The following ZNF730 variants were observed in gnomAD, a reference collection of about 807,000 sequenced individuals.
ZNF730 encodes zinc finger protein 730.
In ZNF730, 12 loss-of-function variants were observed where a neutral mutation model predicts 12.6. The ratio of observed to expected loss-of-function variants is 0.95; its 90% CI spans 0.61 to 1.54. The LOEUF (loss-of-function observed/expected upper bound fraction) is 1.54. Ranked by LOEUF, ZNF730 falls within the 40% of genes most tolerant of loss-of-function variation. The pLI, the probability that ZNF730 is intolerant of heterozygous loss-of-function variation, is 0.00. For missense variants in ZNF730, 643 were observed against 583.5 expected (o/e 1.10, Z -1.05); for synonymous variants, 194 against 195.8 (o/e 0.99, Z 0.08).
intron 3 of ZNF730, among the ~76,000 whole-genome samples, chr19:23,144,697 T>C (rs1361319313): frequency 2.4e-3 from 16 of 6,770 alleles, no homozygotes; most frequent in Admixed American, 7.8e-3. Flanking sequence ...AAGACTCTTG[T>C]CTCAAAAAAA....
At chr19:23,132,425 C>T (rs1452414625) in intron 1 of ZNF730, among the ~76,000 whole-genome samples, 2 of 151,922 alleles carry the variant, frequency 1.3e-5, no homozygotes, top group East Asian at 3.9e-4. Flanking sequence ...TGTGCTTTTC[C>T]TCTTAAATGA....
rs750466037 is a variant in ZNF730 at position 23,134,209 on chromosome 19, G to A, written c.130+3G>A. 4.4e-6 allele frequency: 7 copies of A among 1,600,872 alleles called. No individual in the cohort carries two copies. The highest frequency in any genetic ancestry group is 6.0e-6 in the Non-Finnish European group (7 of 1,174,474). ...CTACAGAAACCTGGTCTTCCTGGGT[G>A]AGGATAACTTTAATATACAATTCCT... On this transcript the variant is annotated splice_donor_region_variant and intron_variant, in intron 2 of 3. Coordinates refer to ENST00000597761, the MANE Select transcript of ZNF730 (RefSeq NM_001277403.2).
intron 1 of ZNF730, among the ~76,000 whole-genome samples, chr19:23,091,210 A>G (rs1278161290): frequency 6.6e-6 from 1 of 152,200 alleles, no homozygotes; most frequent in Non-Finnish European, 1.5e-5. Context: ...GTGGGTGCAC[A>G]GAAGTCAAGA....
chr19:23,081,850 G>C (rs561449836), intron 1 of ZNF730, among the ~76,000 whole-genome samples: 1 of 152,106 alleles, frequency 6.6e-6, no homozygotes, highest in African/African-American at 2.4e-5. Context: ...CCCCAAACTC[G>C]CAGACTATCT....
chr19:23,095,079 C>T, intron 1 of ZNF730: 1 of 308,278 alleles, frequency 3.2e-6, no homozygotes, highest in Non-Finnish European at 5.9e-6. Flanking sequence ...TTACCCAGCA[C>T]CAGAGGGATT....
intron 1 of ZNF730, among the ~76,000 whole-genome samples, chr19:23,110,191 G>A (rs1599583821): frequency 8.7e-6 from 1 of 114,334 alleles, no homozygotes; most frequent in African/African-American, 3.4e-5. Flanking sequence ...GGATGGTCTC[G>A]AACTTCTGAC....
At chr19:23,120,694 G>A (rs1049882524) in intron 1 of ZNF730, among the ~76,000 whole-genome samples, 2 of 151,990 alleles carry the variant, frequency 1.3e-5, no homozygotes, top group African/African-American at 4.8e-5. Flanking sequence ...GACTTTTCAT[G>A]TCTAAATCTC....
chr19:23,120,296 G>A (rs1004343283), intron 1 of ZNF730, among the ~76,000 whole-genome samples: 14 of 152,056 alleles, frequency 9.2e-5, no homozygotes, highest in African/African-American at 3.4e-4. Context: ...CAACTGGCTG[G>A]TCCTGGGCTT....
chr19:23,136,000 G>T lies in ZNF730; in HGVS notation c.183G>T (p.Glu61Asp), dbSNP rs868710757. 1.9e-6 allele frequency: 3 copies of T among 1,609,040 alleles called. No individual in the cohort carries two copies. The highest frequency in any genetic ancestry group is 3.3e-4 in the Middle Eastern group (2 of 6,040). ...TCACCTGTCTGGAGCAAGAAAAAGAGCCTTGGAATTTGAAGACACATGATA... is the reference window on the plus strand; with the variant it reads ...TCACCTGTCTGGAGCAAGAAAAAGATCCTTGGAATTTGAAGACACATGATA... The part of the protein sequence containing the change: ...DLITCLEQEK[E>D]PWNLKTHDMV... The change falls in exon 3 of 4, where the codon GAG becomes GAT. Residue 61 changes from glutamate (E) to aspartate (D), a missense_variant. Coordinates refer to ENST00000597761, the MANE Select transcript of ZNF730 (RefSeq NM_001277403.2).
intron 1 of ZNF730, among the ~76,000 whole-genome samples, chr19:23,109,030 G>A (rs180947508): frequency 1.1e-3 from 168 of 152,222 alleles, no homozygotes; most frequent in African/African-American, 3.7e-3. Flanking sequence ...GGGATTACAG[G>A]CATGAGCCAC....
intron 3 of ZNF730, among the ~76,000 whole-genome samples, chr19:23,142,049 C>T (rs920764214): frequency 4.6e-5 from 7 of 151,730 alleles, no homozygotes; most frequent in Admixed American, 6.6e-5. Context: ...CACACATACA[C>T]ACACAGAAAC....
In ZNF730 at chr19:23,093,509, C is replaced by T. The variant is rs1014060504; in HGVS notation, c.-94+18122C>T. Among the ~76,000 whole-genome samples, 10 of 152,272 alleles carry T rather than the reference C, an allele frequency of 6.6e-5. No individual in the cohort carries two copies. The East Asian group carries it at 1.4e-3, about 21-fold the overall frequency. On this transcript the variant is annotated intron_variant, in intron 1 of 2. Coordinates refer to the ZNF730 transcript ENST00000593635. ...TAGGGGGTACCCCTGCTTGGCATCC[C>T]GCCCCTCTGGTTCCTGCTTCCCCCC...
At chr19:23,127,105 G>C (rs1357899074) in intron 1 of ZNF730, 5 of 508,304 alleles carry the variant, frequency 9.8e-6, no homozygotes, top group Admixed American at 9.5e-5. Context: ...GTCCTTCTAT[G>C]AGTTAGCAGA....
intron 1 of ZNF730, among the ~76,000 whole-genome samples, chr19:23,093,795 G>T (rs760430786): frequency 8.5e-5 from 13 of 152,214 alleles, no homozygotes; most frequent in African/African-American, 3.1e-4. Context: ...ATCAACAGAC[G>T]GGGTCAGGGG....
upstream of ZNF730, among the ~76,000 whole-genome samples, chr19:23,112,614 G>A (rs575623126): frequency 3.3e-5 from 5 of 152,096 alleles, no homozygotes; most frequent in Non-Finnish European, 5.9e-5. Flanking sequence ...CCAGCTACTC[G>A]TGGGAGACTG....
intron 1 of ZNF730, among the ~76,000 whole-genome samples, chr19:23,082,350 A>ATT (rs59303508): frequency 1.7e-4 from 25 of 146,222 alleles, no homozygotes; most frequent in African/African-American, 2.5e-4. Context: ...AAATAGCAGA[A>ATT]TTTTTTTTTT....
At chr19:23,106,214 AAG>A (rs1343060875) in intron 1 of ZNF730, among the ~76,000 whole-genome samples, 2 of 151,270 alleles carry the variant, frequency 1.3e-5, no homozygotes, top group Non-Finnish European at 2.9e-5. Context: ...GGGAAGAAAA[AAG>A]AGGAGGAGGA....
intron 1 of ZNF730, among the ~76,000 whole-genome samples, chr19:23,089,311 AT>A (rs891868736): frequency 3.3e-4 from 50 of 151,774 alleles, no homozygotes; most frequent in African/African-American, 1.2e-3. Context: ...GGTTCAAGCA[AT>A]TCTCCTGCCT....
At position 23,146,215 on chromosome 19, in the gene ZNF730, A is replaced by G; in HGVS notation, c.1171A>G (p.Thr391Ala). 1 of 1,611,554 alleles carries G rather than the reference A, an allele frequency of 6.2e-7. No individual in the cohort carries two copies. ...STLTIHKIIH[T>A]VEKFYKCEEC... ...TCTTACTATACATAAGATAATTCAT[A>G]CTGTAGAGAAATTTTACAAATGTGA... The change falls in exon 4 of 4, where the codon ACT (threonine) becomes GCT (alanine). Residue 391 changes from threonine (T) to alanine (A), a missense_variant. Physicochemically the swap from Thr to Ala is moderately conservative, Grantham distance 58 (BLOSUM62 0). Transcript: ENST00000597761.
Sources: allele counts gnomAD v4.1 joint callset (sites outside exome capture counted in the v4.1 genomes callset), GRCh38; gene constraint gnomAD v4.1.1; transcripts MANE v1.5; gene names NCBI Gene and HGNC (gene_info 2026-07-23, HGNC 2026-07-21).